The following OLFML2A variants were observed in gnomAD, a reference collection of about 807,000 sequenced individuals.
The protein encoded by OLFML2A is olfactomedin like 2A.
OLFML2A carries 47 observed loss-of-function variants against 60.9 expected under a neutral mutation model. That is an observed-to-expected ratio of 0.77 (90% CI 0.61 to 0.98). The LOEUF (loss-of-function observed/expected upper bound fraction) is 0.98, where lower values mean the gene tolerates loss of function less well. OLFML2A is among the 50% of genes least tolerant of loss of function. OLFML2A has a pLI of 0.00. For synonymous variants in OLFML2A, 372 were observed against 375.0 expected, an observed-to-expected ratio of 0.99 and a Z score of 0.09; for missense variants, 922 against 879.8, an observed-to-expected ratio of 1.05 and a Z score of -0.61.
chr9:124,793,269 ACT>A (rs1465122195), intron 2 of OLFML2A, among the ~76,000 whole-genome samples: 2 of 152,044 alleles, frequency 1.3e-5, no homozygotes, highest in African/African-American at 4.8e-5. Flanking sequence ...TCTCCCTGAC[ACT>A]CTGGCATTTT....
chr9:124,780,454 C>T (rs956564362), intron 1 of OLFML2A, among the ~76,000 whole-genome samples: 6 of 152,186 alleles, frequency 3.9e-5, no homozygotes, highest in African/African-American at 1.4e-4. Context: ...GCAGGAGGGG[C>T]TAGAGCAGGC....
chr9:124,802,057 G>C (rs1033777615), intron 5 of OLFML2A, among the ~76,000 whole-genome samples: 5 of 152,124 alleles, frequency 3.3e-5, no homozygotes, highest in Non-Finnish European at 7.4e-5. Flanking sequence ...ACAGTGAGGG[G>C]CAGGAGAATA....
At chr9:124,809,785 G>T in intron 7 of OLFML2A, 23 bp from the exon 8 acceptor site, 5 of 1,573,914 alleles carry the variant, frequency 3.2e-6, no homozygotes, top group Non-Finnish European at 4.3e-6. Context: ...GAGGTCTGGG[G>T]TGACCATCGC....
chr9:124,783,804 C>T (rs1207105357), intron 1 of OLFML2A, among the ~76,000 whole-genome samples: 1 of 152,122 alleles, frequency 6.6e-6, no homozygotes, highest in African/African-American at 2.4e-5. Context: ...TCTAATGGTA[C>T]CTATGGTGTG....
chr9:124,810,108 G>A lies in OLFML2A; in HGVS notation c.1655G>A (p.Arg552His), dbSNP rs988686145. 3.1e-6 allele frequency: 5 copies of A among 1,613,754 alleles called. No individual in the cohort carries two copies. The highest frequency in any genetic ancestry group is 4.2e-6 in the Non-Finnish European group (5 of 1,180,008). The change falls in exon 8 of 8, where the codon CGC becomes CAC. Residue 552 changes from arginine to histidine, a missense_variant. Transcript: ENST00000373580. ...EAQPEVIVLS[R>H]LDPGDLSVHR... The stretch of plus-strand genomic sequence containing the variant: ...CAGCCCGAGGTGATCGTCCTGAGTC[G>A]CTTGGACCCCGGCGATCTCTCCGTG...
chr9:124,805,799 GTTTTTTTGGT>G (rs1351771170), intron 6 of OLFML2A, among the ~76,000 whole-genome samples: 2 of 131,504 alleles, frequency 1.5e-5, no homozygotes, highest in Non-Finnish European at 1.6e-5. Flanking sequence ...TGTTGTTTTG[GTTTTTTTGGT>G]TTTTTTTTTT....
intron 4 of OLFML2A, among the ~76,000 whole-genome samples, chr9:124,799,712 C>G (rs1841738738): frequency 6.6e-6 from 1 of 152,200 alleles, no homozygotes; most frequent in South Asian, 2.1e-4. Context: ...GCCTGGGGAT[C>G]CTGCCAAGGG....
chr9:124,786,590 G>A (rs918008712), intron 1 of OLFML2A, among the ~76,000 whole-genome samples: 1 of 151,730 alleles, frequency 6.6e-6, no homozygotes, highest in Admixed American at 6.6e-5. Flanking sequence ...GCGTGATGGC[G>A]GGCACCTGTA....
At chr9:124,781,554 G>A (rs141796786) in intron 1 of OLFML2A, among the ~76,000 whole-genome samples, 1,718 of 152,256 alleles carry the variant, frequency 0.011, 13 homozygotes, top group Middle Eastern at 0.024. Context: ...AGCACTTTGG[G>A]AGCCCAAGGT....
rs188263969 is a variant in OLFML2A at position 124,800,909 on chromosome 9, G to A, written c.670-505G>A. The A allele has an allele frequency of 2.2e-4, 344 of 1,540,558 alleles. 1 individual carries two copies. Among genetic ancestry groups the A allele is most frequent in the Middle Eastern group, 6.8e-4 (4 of 5,904 alleles). ...AGGTTGGGTGACCAACCCTGTCCCAGTTTGCCTGGGACTTGAGGGTTTTTC... is the reference window on the plus strand; with the variant it reads ...AGGTTGGGTGACCAACCCTGTCCCAATTTGCCTGGGACTTGAGGGTTTTTC... On this transcript the variant is annotated intron_variant, in intron 4 of 7. Coordinates refer to ENST00000373580, the MANE Select transcript of OLFML2A (RefSeq NM_182487.4).
intron 4 of OLFML2A, chr9:124,800,896 C>G (rs1841761080): frequency 6.5e-7 from 1 of 1,529,612 alleles, no homozygotes. Context: ...GTTGGGTGAC[C>G]AACCCTGTCC....
rs1841328848 is a variant in OLFML2A at position 124,779,854 on chromosome 9, G to A, written c.90+2494G>A. On this transcript the variant is annotated intron_variant, in intron 1 of 7. Transcript: ENST00000373580. The surrounding 1 kb of genome is among the most constrained non-coding windows in gnomAD (Gnocchi z 4.1). Reference sequence around the variant, plus strand: ...AAGCCCATTCCGTTTTCCCTGGGGTGGAGGATGAGCCCTTCGGAGGGCCAG... The same window carrying A: ...AAGCCCATTCCGTTTTCCCTGGGGTAGAGGATGAGCCCTTCGGAGGGCCAG... Among the ~76,000 whole-genome samples, 1 of 152,204 alleles carries A rather than the reference G, an allele frequency of 6.6e-6. No individual in the cohort carries two copies. Among genetic ancestry groups the A allele is most frequent in the Non-Finnish European group, 1.5e-5 (1 of 68,046 alleles).
intron 3 of OLFML2A, among the ~76,000 whole-genome samples, chr9:124,798,417 C>T (rs982718211): frequency 2.6e-5 from 4 of 152,068 alleles, no homozygotes; most frequent in African/African-American, 9.7e-5. Flanking sequence ...AGGAGAATCA[C>T]TTGAGCCCGG....
chr9:124,800,907 C>T, intron 4 of OLFML2A: 3 of 1,539,922 alleles, frequency 1.9e-6, no homozygotes, highest in Non-Finnish European at 2.6e-6. Flanking sequence ...AACCCTGTCC[C>T]AGTTTGCCTG....
At chr9:124,790,892 C>G (rs751803767) in intron 2 of OLFML2A, among the ~76,000 whole-genome samples, 1 of 152,214 alleles carries the variant, frequency 6.6e-6, no homozygotes, top group Non-Finnish European at 1.5e-5. Context: ...CATCTCTACC[C>G]CAGCCCTTCC....
At chr9:124,797,690 G>A (rs184712798) in intron 3 of OLFML2A, among the ~76,000 whole-genome samples, 9 of 152,180 alleles carry the variant, frequency 5.9e-5, no homozygotes, top group Non-Finnish European at 1.3e-4. Flanking sequence ...ATACTCAGAC[G>A]AAAGAATCCC....
chr9:124,806,739 A>G (rs1446910403), intron 6 of OLFML2A, among the ~76,000 whole-genome samples: 1 of 151,702 alleles, frequency 6.6e-6, no homozygotes, highest in Admixed American at 6.6e-5. Flanking sequence ...CCTCCAGAGT[A>G]GCTGGGACTA....
At chr9:124,808,594 T>G (rs1287538085) in intron 7 of OLFML2A, among the ~76,000 whole-genome samples, 1 of 152,064 alleles carries the variant, frequency 6.6e-6, no homozygotes, top group Non-Finnish European at 1.5e-5. Flanking sequence ...CTGAAGGGGC[T>G]ATGGGAACCC....
At chr9:124,795,357 G>A (rs893806288) in intron 3 of OLFML2A, among the ~76,000 whole-genome samples, 1 of 152,222 alleles carries the variant, frequency 6.6e-6, no homozygotes, top group Non-Finnish European at 1.5e-5. Flanking sequence ...TGGAGAAACC[G>A]AGGCACCTGC....
Sources: allele counts gnomAD v4.1 joint callset (sites outside exome capture counted in the v4.1 genomes callset), GRCh38; gene constraint gnomAD v4.1.1; non-coding constraint Gnocchi (gnomAD v3.1); transcripts MANE v1.5; gene names NCBI Gene and HGNC (gene_info 2026-07-23, HGNC 2026-07-21).